TRIM5: variants seen among roughly 807,000 people sequenced by gnomAD.
The protein encoded by TRIM5 is tripartite motif containing 5, also known as tripartite motif-containing protein 5.
In TRIM5, 31 loss-of-function variants were observed where a neutral mutation model predicts 35.6. The ratio of observed to expected loss-of-function variants is 0.87; its 90% CI spans 0.65 to 1.18. The LOEUF (loss-of-function observed/expected upper bound fraction) is 1.18, where lower values mean the gene tolerates loss of function less well. Ranked by LOEUF, TRIM5 falls within the 50% of genes most tolerant of loss-of-function variation. The probability of loss-of-function intolerance (pLI) is 0.00; values close to 1 mark genes in which losing one functional copy is unlikely to be tolerated. For synonymous variants in TRIM5, 243 were observed against 215.6 expected, an observed-to-expected ratio of 1.13 and a Z score of -1.11; for missense variants, 609 against 591.6, an observed-to-expected ratio of 1.03 and a Z score of -0.31.
the TRIM5 span, among the ~76,000 whole-genome samples, chr11:5,588,733 G>A: frequency 1.3e-5 from 2 of 151,474 alleles, no homozygotes; most frequent in Non-Finnish European, 2.9e-5. Context: ...ACAATCCTAG[G>A]GTGTATGTTC....
rs1236320377 is a variant in TRIM5, at chr11:5,664,201, CAAAAAAAAAAAAAAAG to C, written c.*592_*607del. ...GGGGAACAAGAGCAAAACTTCATCT[CAAAAAAAAAAAAAAAG>C]AAAAAAGAAAAGAAAAGGAAATAAG... On this transcript the variant is annotated 3_prime_UTR_variant, in exon 8 of 8. Coordinates refer to ENST00000380034, the MANE Select transcript of TRIM5 (RefSeq NM_033034.3). 7.2e-6 allele frequency: 5 copies of C among 693,296 alleles called. No individual in the cohort carries two copies. Among genetic ancestry groups the C allele is most frequent in the African/African-American group, 2.3e-5 (1 of 42,776 alleles). The allele number at this position is 693,296 out of a possible 1,614,324, so 42.9% of individuals were successfully genotyped here.
chr11:5,672,362 C>A (rs1180222897), intron 4 of TRIM5, among the ~76,000 whole-genome samples: 1 of 151,948 alleles, frequency 6.6e-6, no homozygotes, highest in African/African-American at 2.4e-5. Context: ...CAGGCACGTG[C>A]CACCATGTCC....
chr11:5,667,538 G>T, intron 5 of TRIM5, 151 bp downstream of exon 5: 3 of 843,026 alleles, frequency 3.6e-6, no homozygotes, highest in Non-Finnish European at 5.6e-6. Context: ...ACATTCGAAT[G>T]CTGATTTATG....
chr11:5,643,382 A>G, the TRIM5 span: 2 of 1,614,126 alleles, frequency 1.2e-6, no homozygotes, highest in South Asian at 1.1e-5. Context: ...TTGTTAGAAG[A>G]TGTGCAAATC....
chr11:5,605,238 G>C, the TRIM5 span: 18 of 1,530,214 alleles, frequency 1.2e-5, no homozygotes, highest in Non-Finnish European at 1.6e-5. Context: ...GGGAGGCTTG[G>C]CCCAGGAAAG....
chr11:5,661,229 A>G (rs1331063137), downstream of TRIM5, among the ~76,000 whole-genome samples: 1 of 151,994 alleles, frequency 6.6e-6, no homozygotes, highest in African/African-American at 2.4e-5. Context: ...GCAATGTCCA[A>G]AGAAAAAAAC....
At chr11:5,632,347 T>C in the TRIM5 span, 1 of 1,614,074 alleles carries the variant, frequency 6.2e-7, no homozygotes, top group Non-Finnish European at 8.5e-7. Flanking sequence ...TTCAAAAATC[T>C]TGCTTAACGT....
the TRIM5 span, among the ~76,000 whole-genome samples, chr11:5,635,254 A>ATT: frequency 0.03 from 3,887 of 128,262 alleles, 197 homozygotes; most frequent in African/African-American, 0.1. Flanking sequence ...TTCCCTGTTA[A>ATT]TTTTTTTTTT....
At chr11:5,623,950 T>C in the TRIM5 span, among the ~76,000 whole-genome samples, 1 of 152,210 alleles carries the variant, frequency 6.6e-6, no homozygotes, top group Non-Finnish European at 1.5e-5. Flanking sequence ...GGAGGTAGAC[T>C]AGGATTGTTT....
At chr11:5,619,458 A>ACT in the TRIM5 span, among the ~76,000 whole-genome samples, 63 of 147,916 alleles carry the variant, frequency 4.3e-4, no homozygotes, top group African/African-American at 1.4e-3. Flanking sequence ...TGGTTCTTTT[A>ACT]CTCTCTCTCT....
Position 5,665,104 on chromosome 11 carries a change from T to A in TRIM5, c.1187A>T (p.Lys396Ile), listed in dbSNP as rs201703981. Residue 396 changes from lysine (K) to isoleucine (I), a missense_variant, in exon 8 of 8, where the codon AAA (lysine) becomes ATA (isoleucine). Lys to Ile is a moderately radical substitution (Grantham distance 102). Coordinates refer to ENST00000380034, the MANE Select transcript of TRIM5 (RefSeq NM_033034.3). Reference sequence around the variant, plus strand: ...TAACCCTATAACCCAGTAGCCGTATTTAGGTTGATAATTTTCATTTTTTTC... The same window carrying A: ...TAACCCTATAACCCAGTAGCCGTATATAGGTTGATAATTTTCATTTTTTTC... ...NIEKNENYQP[K>I]YGYWVIGLEE... 16 of 1,614,106 alleles carry A rather than the reference T, an allele frequency of 9.9e-6. No individual in the cohort carries two copies. The African/African-American group carries it at 2.1e-4, about 22-fold the overall frequency.
chr11:5,588,942 C>T, the TRIM5 span: 1 of 152,054 alleles, frequency 6.6e-6, no homozygotes, highest in Admixed American at 6.6e-5. Context: ...TGTCACCACA[C>T]CTGGCTAATT....
chr11:5,608,438 A>G, the TRIM5 span: 1 of 1,610,938 alleles, frequency 6.2e-7, no homozygotes. Flanking sequence ...GGACTGACAA[A>G]TGATTCCTTT....
chr11:5,632,627 A>C, the TRIM5 span: 1 of 1,613,450 alleles, frequency 6.2e-7, no homozygotes, highest in Non-Finnish European at 8.5e-7. Flanking sequence ...CTCTGTGATC[A>C]TCATGGAGAG....
chr11:5,671,972 G>T (rs766776248), intron 4 of TRIM5, among the ~76,000 whole-genome samples: 2 of 151,960 alleles, frequency 1.3e-5, no homozygotes, highest in Non-Finnish European at 2.9e-5. Context: ...AACTAAAGCA[G>T]CAAGAGAAAA....
At chr11:5,657,503 A>G in the TRIM5 span, among the ~76,000 whole-genome samples, 1 of 139,044 alleles carries the variant, frequency 7.2e-6, no homozygotes, top group Non-Finnish European at 1.5e-5. Context: ...ATATATATTT[A>G]TATATTATAT....
intron 1 of TRIM5, among the ~76,000 whole-genome samples, chr11:5,684,412 C>T (rs967236627): frequency 1.9e-5 from 2 of 107,246 alleles, no homozygotes; most frequent in African/African-American, 3.4e-5. Context: ...AGGGAAAGAA[C>T]TCCATTTACA....
chr11:5,624,763 A>G, the TRIM5 span: 1 of 152,218 alleles, frequency 6.6e-6, no homozygotes, highest in Admixed American at 6.5e-5. Flanking sequence ...GACATTGCCA[A>G]ATGTGCCATC....
At chr11:5,643,080 T>A in the TRIM5 span, 2 of 1,276,286 alleles carry the variant, frequency 1.6e-6, no homozygotes, top group East Asian at 5.3e-5. Flanking sequence ...TGTCACCTAA[T>A]CATATATATC....
Sources: gnomAD v4.1 joint callset for allele counts (sites outside exome capture counted in the v4.1 genomes callset) on GRCh38, gnomAD v4.1.1 for gene constraint, MANE v1.5 for transcripts, NCBI Gene and HGNC (gene_info 2026-07-23, HGNC 2026-07-21) for gene names.